PDE4D: variants seen among roughly 807,000 people sequenced by gnomAD.
PDE4D encodes phosphodiesterase 4D.
A neutral mutation model predicts 87.4 loss-of-function variants in PDE4D; 24 were observed. That is an observed-to-expected ratio of 0.27 (90% CI 0.20 to 0.39). The LOEUF (loss-of-function observed/expected upper bound fraction) is 0.39, where lower values mean the gene tolerates loss of function less well. PDE4D is among the 10% of genes least tolerant of loss of function. PDE4D has a pLI of 1.00. For synonymous variants in PDE4D, 384 were observed against 383.2 expected (o/e 1.00, Z -0.02); for missense variants, 714 against 1,041.0 (o/e 0.69, Z 4.32).
intron 1 of PDE4D, among the ~76,000 whole-genome samples, chr5:59,834,904 A>G (rs1451464966): frequency 6.6e-6 from 1 of 151,982 alleles, no homozygotes; most frequent in African/African-American, 2.4e-5. Context: ...TTGCTTGCAC[A>G]TTTTACCATC....
intron 1 of PDE4D, among the ~76,000 whole-genome samples, chr5:60,443,713 G>A (rs544610254): frequency 1.3e-5 from 2 of 152,248 alleles, no homozygotes; most frequent in African/African-American, 2.4e-5. Context: ...ATGAACAGAG[G>A]GAACCAAGTA....
chr5:59,459,150 G>C (rs1800365952), intron 1 of PDE4D, among the ~76,000 whole-genome samples: 1 of 152,152 alleles, frequency 6.6e-6, no homozygotes. Context: ...CCATTTCTAA[G>C]TATTTTGAGA....
At chr5:60,181,478 T>C (rs542602835) in intron 2 of PDE4D, among the ~76,000 whole-genome samples, 1 of 152,290 alleles carries the variant, frequency 6.6e-6, no homozygotes, top group East Asian at 1.9e-4. Flanking sequence ...ACCAAGGAGT[T>C]GCTTCCAGTT....
intron 1 of PDE4D, among the ~76,000 whole-genome samples, chr5:60,485,776 T>C (rs1749089444): frequency 6.6e-6 from 1 of 152,180 alleles, no homozygotes. Context: ...CTGGCACCTC[T>C]AGACTCCATT....
At chr5:60,064,655 T>C (rs1771853794) in intron 2 of PDE4D, among the ~76,000 whole-genome samples, 1 of 152,122 alleles carries the variant, frequency 6.6e-6, no homozygotes, top group South Asian at 2.1e-4. Flanking sequence ...ATTCAAAAAC[T>C]GTTGAGATGC....
Position 60,486,023 on chromosome 5 carries a change from G to A in PDE4D, c.-90+1919C>T, listed in dbSNP as rs181076904. Among the ~76,000 whole-genome samples, 81 of 152,258 alleles carry A rather than the reference G, an allele frequency of 5.3e-4. No individual in the cohort carries two copies. The East Asian group carries it at 0.014, about 25-fold the overall frequency. On this transcript the variant is annotated intron_variant, in intron 1 of 16. Coordinates refer to the PDE4D transcript ENST00000502484. ...TTCATCTCAATAAGAGCCCAAGCAA[G>A]GTAATGTAAACAATGAAGGCATAAA...
chr5:60,341,324 G>A (rs1758297809), intron 1 of PDE4D, among the ~76,000 whole-genome samples: 1 of 152,108 alleles, frequency 6.6e-6, no homozygotes, highest in East Asian at 1.9e-4. Context: ...CTCTATCCCT[G>A]GGCTCCTCCT....
rs116355999 is a variant in PDE4D at position 60,346,249 on chromosome 5, T to C, written c.-90+141693A>G. On this transcript the variant is annotated intron_variant, in intron 1 of 16. Coordinates refer to the PDE4D transcript ENST00000502484. ...CTGACCTTCTTAAGAGAAATTCAAC[T>C]GGAAAGTTCTCCTAGTGCTGAGTGG... 3.2e-3 allele frequency among the ~76,000 whole-genome samples: 490 copies of C among 152,274 alleles called. 1 individual carries two copies. Among genetic ancestry groups the C allele is most frequent in the Non-Finnish European group, 5.2e-3 (355 of 68,004 alleles).
At chr5:59,301,935 A>G (rs1770333116) in intron 1 of PDE4D, among the ~76,000 whole-genome samples, 1 of 152,254 alleles carries the variant, frequency 6.6e-6, no homozygotes, top group Middle Eastern at 3.4e-3. Flanking sequence ...TCCTCATAAG[A>G]TCCCAGGAAC....
At chr5:59,401,478 A>ATCTCTATCTGTCTG (rs74715038) in intron 1 of PDE4D, among the ~76,000 whole-genome samples, 1 of 150,868 alleles carries the variant, frequency 6.6e-6, no homozygotes, top group African/African-American at 2.4e-5. Flanking sequence ...CTATCTATCT[A>ATCTCTATCTGTCTG]TCTATCTATT....
chr5:59,985,124 G>GTTGT (rs1762290009), intron 3 of PDE4D, among the ~76,000 whole-genome samples: 2 of 111,268 alleles, frequency 1.8e-5, no homozygotes, highest in Non-Finnish European at 3.7e-5. Context: ...TTCACCTTTC[G>GTTGT]TTTTTTGTTT....
At chr5:59,030,759 C>G (rs931084222) in intron 6 of PDE4D, among the ~76,000 whole-genome samples, 1 of 152,112 alleles carries the variant, frequency 6.6e-6, no homozygotes, top group African/African-American at 2.4e-5. Context: ...AACAATATCT[C>G]TAATTCTCAG....
intron 1 of PDE4D, among the ~76,000 whole-genome samples, chr5:59,306,476 T>C (rs905694650): frequency 6.6e-6 from 1 of 152,196 alleles, no homozygotes; most frequent in Non-Finnish European, 1.5e-5. Context: ...TTTCGCTTTT[T>C]AGCTTGTATT....
At chr5:59,427,593 G>A (rs937267183) in intron 1 of PDE4D, among the ~76,000 whole-genome samples, 1 of 152,036 alleles carries the variant, frequency 6.6e-6, no homozygotes, top group African/African-American at 2.4e-5. Flanking sequence ...CAGCACTTTG[G>A]GAGGCCAAGG....
chr5:59,649,358 AG>A (rs1283948335), intron 1 of PDE4D, among the ~76,000 whole-genome samples: 1 of 152,184 alleles, frequency 6.6e-6, no homozygotes, highest in Non-Finnish European at 1.5e-5. Flanking sequence ...GCTTGCATGC[AG>A]AAGTGTGAGC....
At chr5:59,808,659 T>G (rs978365312) in intron 1 of PDE4D, among the ~76,000 whole-genome samples, 19 of 152,296 alleles carry the variant, frequency 1.2e-4, no homozygotes, top group African/African-American at 3.6e-4. Context: ...TGCTCACACA[T>G]CAAAAGTTTC....
chr5:59,738,966 C>T (rs1758468659), intron 1 of PDE4D, among the ~76,000 whole-genome samples: 1 of 151,766 alleles, frequency 6.6e-6, no homozygotes, highest in African/African-American at 2.4e-5. Context: ...TAAAGGTGAA[C>T]ATTGACCTGA....
intron 2 of PDE4D, among the ~76,000 whole-genome samples, chr5:60,158,864 A>T (rs1782228982): frequency 6.6e-6 from 1 of 152,186 alleles, no homozygotes; most frequent in Non-Finnish European, 1.5e-5. Flanking sequence ...CCACCGCGCC[A>T]GGCCAAGCTG....
chr5:59,338,881 TAGAGA>T (rs1778218157), intron 1 of PDE4D, among the ~76,000 whole-genome samples: 1 of 152,222 alleles, frequency 6.6e-6, no homozygotes, highest in African/African-American at 2.4e-5. Context: ...TAGCATAATT[TAGAGA>T]AAAAACCTCA....
Sources: allele counts gnomAD v4.1 joint callset (sites outside exome capture counted in the v4.1 genomes callset), GRCh38; gene constraint gnomAD v4.1.1; transcripts MANE v1.5; gene names NCBI Gene and HGNC (gene_info 2026-07-23, HGNC 2026-07-21).